The following ZNF205 variants were observed in gnomAD, a reference collection of about 807,000 sequenced individuals.
ZNF205 encodes zinc finger protein 205, also known as transcriptional repressor RHIT.
A neutral mutation model predicts 53.6 loss-of-function variants in ZNF205; 32 were observed. That is an observed-to-expected ratio of 0.60 (90% CI 0.45 to 0.80). The LOEUF (loss-of-function observed/expected upper bound fraction) is 0.80. Among genes scored for constraint, ZNF205 ranks in the 30% least tolerant of loss-of-function variants. The pLI is 0.00. For synonymous variants in ZNF205, 382 were observed against 334.3 expected (o/e 1.14, Z -1.56); for missense variants, 836 against 782.4 (o/e 1.07, Z -0.82).
In ZNF205 at chr16:3,120,514, T is replaced by A; in HGVS notation, c.*189T>A. The A allele has an allele frequency of 1.4e-6, 1 of 709,404 alleles. No homozygotes were observed. The highest frequency in any genetic ancestry group is 2.3e-6 in the Non-Finnish European group (1 of 442,542). The allele number at this position is 709,404 out of a possible 1,614,324, so 43.9% of individuals were successfully genotyped here. A position where few individuals can be genotyped will look rare whatever the true frequency, so the allele number is the denominator to read the frequency against. ...CTCTGCGAATTAAAGGCCTTGGACTTGAAGCGCCCGCCTACACAGCTTTGT... is the reference window on the plus strand; with the variant it reads ...CTCTGCGAATTAAAGGCCTTGGACTAGAAGCGCCCGCCTACACAGCTTTGT... On this transcript the variant is annotated 3_prime_UTR_variant, in exon 7 of 7. Transcript: ENST00000219091.
chr16:3,114,389 A>G (rs1442430058), intron 2 of ZNF205, among the ~76,000 whole-genome samples: 1 of 152,174 alleles, frequency 6.6e-6, no homozygotes. Flanking sequence ...TGCGTCCTGA[A>G]GGCTGCCTGA....
chr16:3,117,682 G>A (rs575808796), intron 5 of ZNF205, among the ~76,000 whole-genome samples: 40 of 151,536 alleles, frequency 2.6e-4, no homozygotes, highest in Non-Finnish European at 4.0e-4. Context: ...TGAGCTCCTG[G>A]GCTCAAGTCA....
Position 3,119,898 on chromosome 16 carries a change from C to A in ZNF205, c.1238C>A (p.Thr413Asn), listed in dbSNP as rs1233198700. ...TCGGACTTGGTCACCCACCAGGGCA[C>A]CCACACGGGCGCCAAGCCGCACAAG... ...RRSDLVTHQGTHTGAKPHKCP... is the reference protein window; with the variant it reads ...RRSDLVTHQGNHTGAKPHKCP... Residue 413 changes from threonine (T) to asparagine (N), a missense_variant, in exon 7 of 7, where the codon ACC becomes AAC. Physicochemically the swap from Thr to Asn is moderately conservative, Grantham distance 65 (BLOSUM62 0). Coordinates refer to ENST00000219091, the MANE Select transcript of ZNF205 (RefSeq NM_001042428.2). 6.2e-7 allele frequency: 1 copy of A among 1,613,408 alleles called. No individual in the cohort carries two copies.
chr16:3,118,754 C>T (rs1957377357), intron 5 of ZNF205, 151 bp from the exon 6 acceptor site: 2 of 783,984 alleles, frequency 2.6e-6, no homozygotes, highest in Non-Finnish European at 4.0e-6. Context: ...GGCGGACCCC[C>T]GACCCAGGGG....
chr16:3,116,397 C>G, intron 4 of ZNF205, 30 bp from the exon 5 acceptor site: 1 of 1,613,388 alleles, frequency 6.2e-7, no homozygotes, highest in Non-Finnish European at 8.5e-7. Flanking sequence ...ACGTCATGTC[C>G]TGGAGAGTGG....
chr16:3,119,988 C>G lies in ZNF205; in HGVS notation c.1328C>G (p.Thr443Ser), dbSNP rs1957402860. 1.2e-6 allele frequency: 2 copies of G among 1,613,560 alleles called. No individual in the cohort carries two copies. Among genetic ancestry groups the G allele is most frequent in the African/African-American group, 1.3e-5 (1 of 74,950 alleles). ...SALVTHQRTH[T>S]GVKPYPCPEC... is the part of the protein sequence containing the mutation. ...CTAGTCACCCACCAGCGCACCCACACTGGGGTCAAGCCCTATCCGTGCCCC... is the reference window on the plus strand; with the variant it reads ...CTAGTCACCCACCAGCGCACCCACAGTGGGGTCAAGCCCTATCCGTGCCCC... Residue 443 changes from threonine (T) to serine (S), a missense_variant, in exon 7 of 7, where the codon ACT (threonine) becomes AGT (serine). Coordinates refer to ENST00000219091, the MANE Select transcript of ZNF205 (RefSeq NM_001042428.2).
chr16:3,115,681 TC>T, intron 3 of ZNF205, 113 bp downstream of exon 3: 1 of 1,392,246 alleles, frequency 7.2e-7, no homozygotes, highest in Non-Finnish European at 9.6e-7. Flanking sequence ...GGGGACGCTA[TC>T]CCCCCATGGC....
intron 5 of ZNF205, among the ~76,000 whole-genome samples, chr16:3,118,325 A>G (rs1040189995): frequency 6.6e-6 from 1 of 152,066 alleles, no homozygotes; most frequent in African/African-American, 2.4e-5. Context: ...TGGGCCAGCA[A>G]GCCCAGGCAA....
chr16:3,118,995 A>C lies in ZNF205; in HGVS notation c.575A>C (p.Glu192Ala). 1 of 1,613,406 alleles carries C rather than the reference A, an allele frequency of 6.2e-7. No homozygotes were observed. The highest frequency in any genetic ancestry group is 8.5e-7 in the Non-Finnish European group (1 of 1,179,904). ...GSSRQAGDEKEWRGACTGAVE... is the reference protein window; with the variant it reads ...GSSRQAGDEKAWRGACTGAVE... ...AGCCGGCAGGCAGGAGATGAGAAGG[A>C]GTGGAGAGGCGCGTGCACAGGTGAG... The change falls in exon 6 of 7, where the codon GAG becomes GCG. Residue 192 changes from glutamate to alanine, a missense_variant. Glu to Ala is a moderately radical substitution (Grantham distance 107). Coordinates refer to ENST00000219091, the MANE Select transcript of ZNF205 (RefSeq NM_001042428.2).
Position 3,119,037 on chromosome 16 carries a change from T to C in ZNF205, c.595+22T>C, listed in dbSNP as rs112978648. On this transcript the variant is annotated intron_variant, in intron 6 of 6. Coordinates refer to ENST00000219091, the MANE Select transcript of ZNF205 (RefSeq NM_001042428.2). ...ACAGGTGAGGGACGGGCGCGCGCCT[T>C]TGTCTGCGGGAGTGGGGCGCAGACG... 2.2e-5 allele frequency: 36 copies of C among 1,608,906 alleles called. 2 individuals are homozygous for C. The African/African-American group carries it at 2.4e-4, about 11-fold the overall frequency.
At position 3,116,479 on chromosome 16, in the gene ZNF205, G is replaced by T; in HGVS notation, c.416G>T (p.Gly139Val). ...VALYLSREEW[G>V]RLDHTQQNFY... ...TTGTACCTCTCCCGGGAGGAGTGGG[G>T]ACGGCTGGACCACACGCAGCAGAAC... The change falls in exon 5 of 7, where the codon GGA becomes GTA. Residue 139 changes from glycine to valine, a missense_variant. By Grantham distance (109) the Gly-to-Val change is moderately radical. Coordinates refer to ENST00000219091, the MANE Select transcript of ZNF205 (RefSeq NM_001042428.2). The T allele has an allele frequency of 6.2e-7, 1 of 1,614,156 alleles. No homozygotes were observed. The highest frequency in any genetic ancestry group is 1.7e-5 in the Admixed American group (1 of 60,030).
At position 3,119,616 on chromosome 16, in the gene ZNF205, G is replaced by T; in HGVS notation, c.956G>T (p.Trp319Leu). ...RCEQCGKGFS[W>L]HSHLVTHRRT... Reference sequence around the variant, plus strand: ...GAGCAGTGCGGCAAGGGCTTCAGCTGGCACTCGCACCTGGTGACGCACCGG... The same window carrying T: ...GAGCAGTGCGGCAAGGGCTTCAGCTTGCACTCGCACCTGGTGACGCACCGG... The change falls in exon 7 of 7, where the codon TGG becomes TTG. Residue 319 changes from tryptophan (W) to leucine (L), a missense_variant. Trp to Leu is a moderately conservative substitution (Grantham distance 61). Transcript: ENST00000219091. The T allele has an allele frequency of 6.2e-7, 1 of 1,610,922 alleles. No individual in the cohort carries two copies.
At chr16:3,116,607 C>T (rs1032828411) in intron 5 of ZNF205, 60 bp downstream of exon 5, 25 of 1,569,340 alleles carry the variant, frequency 1.6e-5, no homozygotes, top group East Asian at 4.7e-5. Context: ...TCTGCCGTCT[C>T]CTCTTTCCTC....
At chr16:3,115,294 G>A in intron 2 of ZNF205, 61 bp from the exon 3 acceptor site, 2 of 1,359,454 alleles carry the variant, frequency 1.5e-6, no homozygotes, top group South Asian at 1.8e-5. Context: ...GGAGCGCACT[G>A]CCATGTGGCC....
At position 3,119,646 on chromosome 16, in the gene ZNF205, C is replaced by G. The variant is rs770869289; in HGVS notation, c.986C>G (p.Thr329Arg). Residue 329 changes from threonine (T) to arginine (R), a missense_variant, in exon 7 of 7, where the codon ACG (threonine) becomes AGG (arginine). By Grantham distance (71) the Thr-to-Arg change is moderately conservative. Transcript: ENST00000219091. The stretch of plus-strand genomic sequence containing the variant: ...TCGCACCTGGTGACGCACCGGCGCA[C>G]GCACACGGGCGAGAAGCCCTACGCC... ...WHSHLVTHRR[T>R]HTGEKPYACT... 13 of 1,612,376 alleles carry G rather than the reference C, an allele frequency of 8.1e-6. No individual in the cohort carries two copies. The African/African-American group carries it at 1.6e-4, about 20-fold the overall frequency.
intron 5 of ZNF205, 91 bp from the exon 6 acceptor site, chr16:3,118,814 C>T (rs1013609085): frequency 4.4e-6 from 6 of 1,355,972 alleles, no homozygotes; most frequent in Non-Finnish European, 6.1e-6. Context: ...AGCCTCACCC[C>T]CTACTTGGGC....
chr16:3,115,283 C>G (rs979703150), intron 2 of ZNF205, 72 bp from the exon 3 acceptor site: 1 of 1,243,806 alleles, frequency 8.0e-7, no homozygotes, highest in Non-Finnish European at 1.1e-6. Flanking sequence ...CCGACGCTGC[C>G]GGAGCGCACT....
chr16:3,116,395 T>G, intron 4 of ZNF205, 32 bp from the exon 5 acceptor site: 1 of 1,613,388 alleles, frequency 6.2e-7, no homozygotes, highest in Non-Finnish European at 8.5e-7. Context: ...CCACGTCATG[T>G]CCTGGAGAGT....
Position 3,115,976 on chromosome 16 carries a change from G to T in ZNF205, c.363+56G>T, listed in dbSNP as rs1957340691. On this transcript the variant is annotated intron_variant, in intron 4 of 6. Coordinates refer to ENST00000219091, the MANE Select transcript of ZNF205 (RefSeq NM_001042428.2). ...TACTCAGCCCTTCCTGCATCTGCTG[G>T]TTCTGTGTGAAAGCCAGGACCCCGC... is the stretch of plus-strand genomic sequence containing the variant. 1.9e-6 allele frequency: 3 copies of T among 1,559,982 alleles called. No individual in the cohort carries two copies. In the South Asian group the frequency reaches 3.5e-5, roughly 18 times the overall value.
Sources: allele counts gnomAD v4.1 joint callset (sites outside exome capture counted in the v4.1 genomes callset), GRCh38; gene constraint gnomAD v4.1.1; transcripts MANE v1.5; gene names NCBI Gene and HGNC (gene_info 2026-07-23, HGNC 2026-07-21).